TENM3: variants seen among roughly 807,000 people sequenced by gnomAD.
TENM3 encodes teneurin transmembrane protein 3.
TENM3 carries 63 observed loss-of-function variants against 255.1 expected under a neutral mutation model. That is an observed-to-expected ratio of 0.25 (90% confidence interval 0.20 to 0.30). TENM3 has a LOEUF of 0.30. TENM3 is among the 10% of genes least tolerant of loss of function. The probability of loss-of-function intolerance (pLI) is 1.00; values close to 1 mark genes in which losing one functional copy is unlikely to be tolerated. For missense variants in TENM3, 2,929 were observed against 3,461.1 expected (o/e 0.85, Z 3.86); for synonymous variants, 1,306 against 1,322.3 (o/e 0.99, Z 0.27).
the TENM3 span, among the ~76,000 whole-genome samples, chr4:181,751,367 A>G: frequency 1.3e-5 from 2 of 151,012 alleles, no homozygotes; most frequent in Admixed American, 1.3e-4. Flanking sequence ...TGTTAAAGTT[A>G]GAATCGTTTT....
the TENM3 span, among the ~76,000 whole-genome samples, chr4:181,863,958 C>A: frequency 2.0e-5 from 3 of 152,006 alleles, no homozygotes; most frequent in Non-Finnish European, 4.4e-5. Context: ...CAGTTTGCAA[C>A]CAAAACAGCC....
At chr4:181,465,055 T>C in the TENM3 span, among the ~76,000 whole-genome samples, 1 of 152,232 alleles carries the variant, frequency 6.6e-6, no homozygotes, top group Non-Finnish European at 1.5e-5. Flanking sequence ...GCATATTATC[T>C]CTTATGTTTT....
At chr4:181,517,954 A>G in the TENM3 span, among the ~76,000 whole-genome samples, 1 of 152,148 alleles carries the variant, frequency 6.6e-6, no homozygotes, top group African/African-American at 2.4e-5. Flanking sequence ...AAAGCTATCC[A>G]CCACATCCAA....
the TENM3 span, among the ~76,000 whole-genome samples, chr4:181,554,027 C>G: frequency 2.0e-5 from 3 of 152,134 alleles, no homozygotes; most frequent in Non-Finnish European, 4.4e-5. Context: ...CCCTGTCTTC[C>G]CTCATGCGGC....
chr4:182,782,914 C>T (rs2152813276), intron 24 of TENM3, among the ~76,000 whole-genome samples: 1 of 151,282 alleles, frequency 6.6e-6, no homozygotes, highest in Middle Eastern at 3.4e-3. Flanking sequence ...CTTGGTAGAT[C>T]TTCCTCCATC....
rs139457090 is a variant in TENM3 at position 182,228,392 on chromosome 4, G to GTGTGTGTGTGTGTGTATA, written c.-76+83639_-76+83640insGTGTGTGTGTGTGTATAT. On this transcript the variant is annotated intron_variant, in intron 1 of 2. Transcript: ENST00000512480. ...TGTGTGTGTGTGTGTGTGTGTGTGT[G>GTGTGTGTGTGTGTGTATA]TATATGTAATCCCTCCCAGCTCTAA... Among the ~76,000 whole-genome samples the GTGTGTGTGTGTGTGTATA allele has an allele frequency of 2.9e-4, 30 of 104,428 alleles. 4 individuals are homozygous for GTGTGTGTGTGTGTGTATA. Among genetic ancestry groups the GTGTGTGTGTGTGTGTATA allele is most frequent in the African/African-American group, 1.2e-3 (26 of 22,386 alleles). 68.5% of individuals were successfully genotyped at this position (104,428 alleles called of 152,430 possible). A position where few individuals can be genotyped will look rare whatever the true frequency, so the allele number is the denominator to read the frequency against.
the TENM3 span, among the ~76,000 whole-genome samples, chr4:181,626,856 C>T: frequency 6.6e-6 from 1 of 152,162 alleles, no homozygotes; most frequent in Non-Finnish European, 1.5e-5. Flanking sequence ...AAAGATCGCT[C>T]TAAGTGTTGC....
chr4:181,571,664 T>A, the TENM3 span, among the ~76,000 whole-genome samples: 1 of 152,170 alleles, frequency 6.6e-6, no homozygotes, highest in Non-Finnish European at 1.5e-5. Context: ...ATTTACAACA[T>A]TTTTTGTTAT....
intron 3 of TENM3, among the ~76,000 whole-genome samples, chr4:182,513,439 C>T (rs964455067): frequency 2.7e-5 from 4 of 145,600 alleles, no homozygotes; most frequent in Non-Finnish European, 5.9e-5. Context: ...GTTGCATTTG[C>T]AAACAAGATG....
intron 1 of TENM3, among the ~76,000 whole-genome samples, chr4:182,228,082 G>A (rs1347922003): frequency 6.6e-6 from 1 of 152,098 alleles, no homozygotes; most frequent in Non-Finnish European, 1.5e-5. Context: ...GTTGGGGCAG[G>A]AGGAGGAAAT....
chr4:182,650,237 A>G (rs1421452558), intron 5 of TENM3, among the ~76,000 whole-genome samples: 1 of 149,678 alleles, frequency 6.7e-6, no homozygotes, highest in Admixed American at 6.7e-5. Flanking sequence ...GCCTGGTATC[A>G]CTCCTGGCTT....
intron 5 of TENM3, among the ~76,000 whole-genome samples, chr4:182,645,424 A>G (rs539623838): frequency 4.6e-5 from 7 of 152,252 alleles, no homozygotes; most frequent in East Asian, 1.9e-4. Flanking sequence ...GCAAATGTCT[A>G]TATTTTGGGG....
the TENM3 span, among the ~76,000 whole-genome samples, chr4:181,532,956 G>C: frequency 6.6e-6 from 1 of 152,166 alleles, no homozygotes; most frequent in African/African-American, 2.4e-5. Context: ...GTTTAAGACT[G>C]TGAAATGTTT....
the TENM3 span, among the ~76,000 whole-genome samples, chr4:181,501,561 G>T: frequency 6.6e-6 from 1 of 151,932 alleles, no homozygotes; most frequent in African/African-American, 2.4e-5. Context: ...TGTATTTTTA[G>T]TAGAGGCGGG....
intron 3 of TENM3, among the ~76,000 whole-genome samples, chr4:182,598,731 G>C (rs1206295586): frequency 6.6e-6 from 1 of 152,184 alleles, no homozygotes; most frequent in South Asian, 2.1e-4. Context: ...GGCTAAGTGT[G>C]TGATGAATAA....
chr4:182,729,244 G>A (rs1277379137), intron 14 of TENM3, 63 bp downstream of exon 14: 1 of 1,374,040 alleles, frequency 7.3e-7, no homozygotes, highest in South Asian at 1.2e-5. Context: ...ATACACTTAT[G>A]TGAAATACTC....
At chr4:181,853,754 GA>G in the TENM3 span, among the ~76,000 whole-genome samples, 3 of 152,138 alleles carry the variant, frequency 2.0e-5, no homozygotes, top group African/African-American at 7.2e-5. Context: ...TATACTGGGG[GA>G]AAAAACGGTC....
chr4:181,667,030 T>C, the TENM3 span, among the ~76,000 whole-genome samples: 1,481 of 152,318 alleles, frequency 9.7e-3, 26 homozygotes, highest in African/African-American at 0.033. Context: ...GCTAACATTG[T>C]TATGCTTACA....
chr4:182,787,343 CTT>C (rs1422165145), intron 24 of TENM3, among the ~76,000 whole-genome samples: 1 of 152,200 alleles, frequency 6.6e-6, no homozygotes, highest in Non-Finnish European at 1.5e-5. Flanking sequence ...GCTTCGGACT[CTT>C]GGGTTCCTCC....
Sources: allele counts gnomAD v4.1 joint callset (sites outside exome capture counted in the v4.1 genomes callset), GRCh38; gene constraint gnomAD v4.1.1; transcripts MANE v1.5; gene names NCBI Gene and HGNC (gene_info 2026-07-23, HGNC 2026-07-21).